The following MTA3 variants were observed in gnomAD, a reference collection of about 807,000 sequenced individuals.
MTA3 encodes metastasis associated 1 family member 3, also known as metastasis-associated protein MTA3.
In MTA3, 34 loss-of-function variants were observed where a neutral mutation model predicts 83.5. The ratio of observed to expected loss-of-function variants is 0.41; its 90% CI spans 0.31 to 0.54. The LOEUF is 0.54. MTA3 is among the 20% of genes least tolerant of loss of function. The pLI, the probability that MTA3 is intolerant of heterozygous loss-of-function variation, is 0.33. For synonymous variants in MTA3, 303 were observed against 252.7 expected, an observed-to-expected ratio of 1.20 and a Z score of -1.89; for missense variants, 761 against 726.4, an observed-to-expected ratio of 1.05 and a Z score of -0.55.
At chr2:42,727,330 A>G (rs892902136) in intron 16 of MTA3, among the ~76,000 whole-genome samples, 3 of 152,212 alleles carry the variant, frequency 2.0e-5, no homozygotes, top group Non-Finnish European at 4.4e-5. Flanking sequence ...CAGTCTCCCT[A>G]TACTTCAGTC....
At chr2:42,601,702 CAG>C (rs1196167787) in intron 3 of MTA3, among the ~76,000 whole-genome samples, 2 of 151,336 alleles carry the variant, frequency 1.3e-5, no homozygotes, top group African/African-American at 2.4e-5. Context: ...TTTTTTGAGA[CAG>C]AGTCTTGCAG....
chr2:42,647,372 T>C (rs994110807), intron 6 of MTA3, among the ~76,000 whole-genome samples: 8 of 151,764 alleles, frequency 5.3e-5, no homozygotes, highest in Admixed American at 2.6e-4. Context: ...TACAGGCATG[T>C]GCCACCATGC....
At position 42,692,085 on chromosome 2, in the gene MTA3, G is replaced by A. The variant is rs1459411048; in HGVS notation, c.892-3680G>A. Among the ~76,000 whole-genome samples, 3 of 151,790 alleles carry A rather than the reference G, an allele frequency of 2.0e-5. No homozygotes were observed. The East Asian group carries it at 5.8e-4, about 29-fold the overall frequency. On this transcript the variant is annotated intron_variant, in intron 9 of 16. Coordinates refer to ENST00000405094, the MANE Select transcript of MTA3 (RefSeq NM_001330442.2). ...CCTCTTTCTCTACCTCTTCTTTAAG[G>A]CCAATAACTCTTAGATTTGCTCTTT...
chr2:42,531,692 C>G (rs551233391), intron 2 of MTA3, among the ~76,000 whole-genome samples: 86 of 151,754 alleles, frequency 5.7e-4, no homozygotes, highest in African/African-American at 2.0e-3. Flanking sequence ...ACCTTGTGAT[C>G]TGTCCACATC....
chr2:42,701,777 A>C (rs532861355), intron 11 of MTA3, among the ~76,000 whole-genome samples: 1 of 148,620 alleles, frequency 6.7e-6, no homozygotes, highest in Admixed American at 6.7e-5. Flanking sequence ...TTAGCTGGGT[A>C]TGGTGGCGGG....
At chr2:42,511,350 C>T (rs551625500) in intron 2 of MTA3, among the ~76,000 whole-genome samples, 5 of 147,564 alleles carry the variant, frequency 3.4e-5, no homozygotes, top group African/African-American at 1.3e-4. Context: ...TACCTTTCTA[C>T]GTCAAAAAAA....
chr2:42,685,790 C>A (rs757016662), intron 9 of MTA3, among the ~76,000 whole-genome samples: 15 of 152,220 alleles, frequency 9.9e-5, no homozygotes, highest in Non-Finnish European at 2.1e-4. Context: ...AGAGTGTTAA[C>A]TGCTCAAAGG....
chr2:42,676,697 C>A (rs998954507), intron 8 of MTA3, among the ~76,000 whole-genome samples: 1 of 152,152 alleles, frequency 6.6e-6, no homozygotes, highest in Non-Finnish European at 1.5e-5. Context: ...GCCCAGGAGG[C>A]AGATGTTGCA....
chr2:42,679,911 G>A (rs1691717927), intron 8 of MTA3, among the ~76,000 whole-genome samples: 1 of 151,210 alleles, frequency 6.6e-6, no homozygotes, highest in African/African-American at 2.4e-5. Flanking sequence ...ATTTATAGAT[G>A]ATTCTAAGTG....
chr2:42,672,319 A>T (rs1261562580), intron 8 of MTA3, among the ~76,000 whole-genome samples: 4 of 151,280 alleles, frequency 2.6e-5, no homozygotes, highest in African/African-American at 9.7e-5. Context: ...AGCCTGAGTC[A>T]ACATAGTAAG....
intron 2 of MTA3, among the ~76,000 whole-genome samples, chr2:42,574,976 A>G (rs1678888773): frequency 6.6e-6 from 1 of 152,244 alleles, no homozygotes; most frequent in Non-Finnish European, 1.5e-5. Context: ...GATGTAAGGT[A>G]TAAGAATTGA....
At chr2:42,710,982 G>A (rs1666558084) in intron 14 of MTA3, among the ~76,000 whole-genome samples, 1 of 151,990 alleles carries the variant, frequency 6.6e-6, no homozygotes, top group Non-Finnish European at 1.5e-5. Context: ...GGAAGGCTGA[G>A]GCAAGAGAAT....
At chr2:42,514,635 C>T (rs1391201333) in intron 2 of MTA3, among the ~76,000 whole-genome samples, 3 of 146,896 alleles carry the variant, frequency 2.0e-5, no homozygotes, top group African/African-American at 7.6e-5. Context: ...CTGCCCACCT[C>T]GGGCTCCTCC....
rs548815963 is a variant in MTA3 at position 42,638,042 on chromosome 2, G to A, written c.318-2131G>A. The stretch of plus-strand genomic sequence containing the variant: ...CCACTATCACTGTTTCAGTTGACTA[G>A]CCTTAAAAAAAAGTACCTATTAAAA... On this transcript the variant is annotated intron_variant, in intron 4 of 16. Coordinates refer to ENST00000405094, the MANE Select transcript of MTA3 (RefSeq NM_001330442.2). 5.9e-5 allele frequency among the ~76,000 whole-genome samples: 9 copies of A among 151,870 alleles called. No homozygotes were observed. The East Asian group carries it at 1.7e-3, about 29-fold the overall frequency.
intron 16 of MTA3, among the ~76,000 whole-genome samples, chr2:42,748,596 C>T (rs1431366966): frequency 6.6e-6 from 1 of 152,176 alleles, no homozygotes; most frequent in African/African-American, 2.4e-5. Context: ...TTATATTCGT[C>T]TTTTTCTATA....
intron 3 of MTA3, among the ~76,000 whole-genome samples, chr2:42,604,081 G>A (rs957384828): frequency 2.0e-5 from 3 of 150,672 alleles, no homozygotes; most frequent in South Asian, 4.2e-4. Context: ...TGCTCTTGTC[G>A]CCCAGGCTGG....
chr2:42,582,195 C>G (rs1444978850), intron 3 of MTA3, among the ~76,000 whole-genome samples: 6 of 152,024 alleles, frequency 3.9e-5, no homozygotes, highest in Non-Finnish European at 8.8e-5. Flanking sequence ...GAAGCTGGGA[C>G]TACAGGCGCC....
chr2:42,742,762 A>G (rs1573828037), intron 16 of MTA3, among the ~76,000 whole-genome samples: 1 of 152,224 alleles, frequency 6.6e-6, no homozygotes, highest in Non-Finnish European at 1.5e-5. Context: ...GAAAATTTCT[A>G]AGATATCAAC....
intron 12 of MTA3, among the ~76,000 whole-genome samples, chr2:42,705,488 T>C (rs1199984666): frequency 6.6e-6 from 1 of 152,178 alleles, no homozygotes; most frequent in East Asian, 1.9e-4. Context: ...GTGAATCACC[T>C]GAGGTCAGGA....
Sources: allele counts gnomAD v4.1 joint callset (sites outside exome capture counted in the v4.1 genomes callset), GRCh38; gene constraint gnomAD v4.1.1; transcripts MANE v1.5; gene names NCBI Gene and HGNC (gene_info 2026-07-23, HGNC 2026-07-21).